CCSER1: variants seen among roughly 807,000 people sequenced by gnomAD.
CCSER1 encodes serine-rich coiled-coil domain-containing protein 1.
In CCSER1, 41 loss-of-function variants were observed where a neutral mutation model predicts 82.0. The observed-to-expected ratio is 0.50, with a 90% CI of 0.39 to 0.65. The LOEUF (loss-of-function observed/expected upper bound fraction) is 0.65, where lower values mean the gene tolerates loss of function less well. Among genes scored for constraint, CCSER1 ranks in the 30% least tolerant of loss-of-function variants. The pLI is 0.00. For synonymous variants in CCSER1, 414 were observed against 383.9 expected, an observed-to-expected ratio of 1.08 and a Z score of -0.92; for missense variants, 1,119 against 1,064.2, an observed-to-expected ratio of 1.05 and a Z score of -0.72.
rs1280309571 is a variant in CCSER1 at position 90,127,559 on chromosome 4, TC to T, written c.-312del. 4 of 152,694 alleles carry T rather than the reference TC, an allele frequency of 2.6e-5. No homozygotes were observed. The highest frequency in any genetic ancestry group is 9.7e-5 in the African/African-American group (4 of 41,424). 9.5% of individuals were successfully genotyped at this position (152,694 alleles called of 1,614,324 possible). A position where few individuals can be genotyped will look rare whatever the true frequency, so the allele number is the denominator to read the frequency against. On this transcript the variant is annotated 5_prime_UTR_variant, in exon 1 of 11. Transcript: ENST00000509176. Reference sequence around the variant, plus strand: ...CAAATAGTCGCCGACCTACTGCCAATCCGCCTCTCCTCTCTCTCTCTCTCTG... The same window carrying T: ...CAAATAGTCGCCGACCTACTGCCAATCGCCTCTCCTCTCTCTCTCTCTCTG...
intron 8 of CCSER1, among the ~76,000 whole-genome samples, chr4:90,834,426 A>G (rs1248929639): frequency 2.0e-5 from 3 of 152,234 alleles, no homozygotes; most frequent in Non-Finnish European, 4.4e-5. Flanking sequence ...TAGTTTCAAT[A>G]CAATCTCCCT....
Position 90,480,574 on chromosome 4 carries a change from C to A in CCSER1, c.1724+12220C>A, listed in dbSNP as rs1323835181. ...TTTGTATAAGGTGTAAGGAAGGCAT[C>A]CACTTTCAACTTTCTCCATGTGGCG... On this transcript the variant is annotated intron_variant, in intron 5 of 10. Coordinates refer to ENST00000509176, the MANE Select transcript of CCSER1 (RefSeq NM_001145065.2). Among the ~76,000 whole-genome samples the A allele has an allele frequency of 5.9e-5, 9 of 152,186 alleles. No homozygotes were observed. In the East Asian group the frequency reaches 1.5e-3, roughly 26 times the overall value.
intron 10 of CCSER1, among the ~76,000 whole-genome samples, chr4:91,131,331 CTTT>C (rs34209878): frequency 1.6e-4 from 22 of 137,726 alleles, no homozygotes; most frequent in Non-Finnish European, 2.5e-4. Context: ...GTTCTCCCCT[CTTT>C]TTTTTTTTTT....
At chr4:90,698,461 T>C (rs1238837169) in intron 6 of CCSER1, among the ~76,000 whole-genome samples, 4 of 152,148 alleles carry the variant, frequency 2.6e-5, no homozygotes, top group Non-Finnish European at 5.9e-5. Context: ...TGTAGTGCAA[T>C]ATAGAGATGG....
intron 6 of CCSER1, among the ~76,000 whole-genome samples, chr4:90,669,868 T>A (rs977609289): frequency 3.9e-5 from 6 of 152,168 alleles, no homozygotes; most frequent in Non-Finnish European, 7.4e-5. Flanking sequence ...AAACTTTTTT[T>A]AAATGAGGAT....
chr4:90,823,232 C>T (rs532346577), intron 8 of CCSER1, among the ~76,000 whole-genome samples: 10 of 151,700 alleles, frequency 6.6e-5, no homozygotes, highest in African/African-American at 2.4e-4. Flanking sequence ...CACATACATA[C>T]ACACACACAC....
intron 7 of CCSER1, among the ~76,000 whole-genome samples, chr4:90,789,005 CAT>C (rs1491377098): frequency 0.018 from 1,814 of 102,016 alleles, 39 homozygotes; most frequent in African/African-American, 0.067. Flanking sequence ...CTATCTAACA[CAT>C]ACACACACAC....
intron 7 of CCSER1, among the ~76,000 whole-genome samples, chr4:90,791,918 A>G (rs1755314793): frequency 6.6e-6 from 1 of 152,098 alleles, no homozygotes; most frequent in Non-Finnish European, 1.5e-5. Flanking sequence ...TTTTATATGC[A>G]CTGGGAAACC....
chr4:90,295,945 A>G (rs1380913262), intron 1 of CCSER1, among the ~76,000 whole-genome samples: 1 of 151,458 alleles, frequency 6.6e-6, no homozygotes, highest in African/African-American at 2.4e-5. Flanking sequence ...CTGTGATGAC[A>G]TTTTTTTTGA....
At chr4:91,207,889 C>G (rs1736473317) in intron 10 of CCSER1, among the ~76,000 whole-genome samples, 1 of 151,548 alleles carries the variant, frequency 6.6e-6, no homozygotes. Context: ...TTGCTAACAT[C>G]TGATATTTTT....
At chr4:90,359,361 C>A (rs1179562720) in intron 3 of CCSER1, among the ~76,000 whole-genome samples, 1 of 152,058 alleles carries the variant, frequency 6.6e-6, no homozygotes, top group Non-Finnish European at 1.5e-5. Flanking sequence ...GTAGAGTATA[C>A]CTCTTTCATT....
At chr4:91,427,877 T>C (rs1221121076) in intron 10 of CCSER1, among the ~76,000 whole-genome samples, 4 of 151,968 alleles carry the variant, frequency 2.6e-5, no homozygotes, top group South Asian at 4.2e-4. Flanking sequence ...GCTTTTAATA[T>C]GCTTGATTAA....
intron 3 of CCSER1, among the ~76,000 whole-genome samples, chr4:90,352,253 G>A (rs976417986): frequency 1.3e-5 from 2 of 152,132 alleles, no homozygotes; most frequent in Non-Finnish European, 2.9e-5. Flanking sequence ...GAACCCGGGA[G>A]GCCGAGCTTG....
intron 5 of CCSER1, among the ~76,000 whole-genome samples, chr4:90,523,515 A>C (rs1203078349): frequency 6.6e-6 from 1 of 152,198 alleles, no homozygotes; most frequent in East Asian, 1.9e-4. Context: ...TGTACTACAT[A>C]AGCACAAATG....
At position 91,380,391 on chromosome 4, in the gene CCSER1, T is replaced by C. The variant is rs190802966; in HGVS notation, c.2218-218181T>C. On this transcript the variant is annotated intron_variant, in intron 10 of 10. Transcript: ENST00000509176. ...TATTGTGTGGGAGTCTAAGTCTCTT[T>C]GTAGGTCTCTAAGGACTTGCTTTAT... Among the ~76,000 whole-genome samples the C allele has an allele frequency of 5.5e-3, 837 of 152,298 alleles. 6 individuals are homozygous for C. The highest frequency in any genetic ancestry group is 0.019 in the African/African-American group (807 of 41,548).
At chr4:91,118,851 A>G (rs1684371767) in intron 10 of CCSER1, among the ~76,000 whole-genome samples, 1 of 152,156 alleles carries the variant, frequency 6.6e-6, no homozygotes, top group Non-Finnish European at 1.5e-5. Flanking sequence ...TAGTTTTTGT[A>G]GAAGATGTTT....
intron 1 of CCSER1, among the ~76,000 whole-genome samples, chr4:90,247,798 A>G (rs1415798267): frequency 6.6e-6 from 1 of 151,974 alleles, no homozygotes; most frequent in Non-Finnish European, 1.5e-5. Context: ...TATATATTAT[A>G]TATGAATTCC....
chr4:91,037,934 T>A (rs1001752286), intron 9 of CCSER1, among the ~76,000 whole-genome samples: 14 of 151,964 alleles, frequency 9.2e-5, no homozygotes, highest in Non-Finnish European at 8.8e-5. Context: ...ATATGAAAAA[T>A]TTTTTTTCTT....
chr4:91,011,361 C>T (rs1233364297), intron 9 of CCSER1, among the ~76,000 whole-genome samples: 1 of 134,068 alleles, frequency 7.5e-6, no homozygotes, highest in Admixed American at 7.4e-5. Context: ...CTGGATCTGA[C>T]ATGGCATGCA....
Sources: gnomAD v4.1 joint callset for allele counts (sites outside exome capture counted in the v4.1 genomes callset) on GRCh38, gnomAD v4.1.1 for gene constraint, MANE v1.5 for transcripts, NCBI Gene and HGNC (gene_info 2026-07-23, HGNC 2026-07-21) for gene names.